ST8SIA4: variants seen among roughly 807,000 people sequenced by gnomAD.
The protein encoded by ST8SIA4 is ST8 alpha-N-acetyl-neuraminide alpha-2,8-sialyltransferase 4.
In ST8SIA4, 15 loss-of-function variants were observed where a neutral mutation model predicts 33.9. The observed-to-expected ratio is 0.44, with a 90% confidence interval of 0.30 to 0.68. ST8SIA4 has a LOEUF of 0.68. ST8SIA4 is among the 30% of genes least tolerant of loss of function. The pLI, the probability that ST8SIA4 is intolerant of heterozygous loss-of-function variation, is 0.10. For synonymous variants in ST8SIA4, 171 were observed against 151.2 expected (o/e 1.13, Z -0.96); for missense variants, 321 against 428.0 (o/e 0.75, Z 2.21).
Position 100,808,373 on chromosome 5 carries a change from T to C in ST8SIA4, c.*3474A>G, listed in dbSNP as rs1341197485. 6.5e-6 allele frequency: 1 copy of C among 152,674 alleles called. No homozygotes were observed. Among genetic ancestry groups the C allele is most frequent in the African/African-American group, 2.4e-5 (1 of 41,472 alleles). 9.5% of individuals were successfully genotyped at this position (152,674 alleles called of 1,614,324 possible). ...AGATAGAAAAACTTCCGCAGTAGTTTCAACAGTCCTGTGGGCTGAATCATT... is the reference window on the plus strand; with the variant it reads ...AGATAGAAAAACTTCCGCAGTAGTTCCAACAGTCCTGTGGGCTGAATCATT... On this transcript the variant is annotated 3_prime_UTR_variant, in exon 5 of 5. Coordinates refer to ENST00000231461, the MANE Select transcript of ST8SIA4 (RefSeq NM_005668.6).
Position 100,810,226 on chromosome 5 carries a change from C to A in ST8SIA4, c.*1621G>T, listed in dbSNP as rs1207416024. 6.6e-6 allele frequency: 1 copy of A among 152,142 alleles called. No homozygotes were observed. Among genetic ancestry groups the A allele is most frequent in the African/African-American group, 2.4e-5 (1 of 41,438 alleles). 9.4% of individuals were successfully genotyped at this position (152,142 alleles called of 1,614,324 possible). On this transcript the variant is annotated 3_prime_UTR_variant, in exon 5 of 5. Transcript: ENST00000231461. ...TTTTTAATTACTTTATTAATAATTT[C>A]ATGTGTTTCTTGAAGAACATATGTG...
intron 4 of ST8SIA4, among the ~76,000 whole-genome samples, chr5:100,844,260 T>C (rs1267114176): frequency 6.6e-6 from 1 of 151,974 alleles, no homozygotes; most frequent in East Asian, 1.9e-4. Flanking sequence ...ATTTGATTGA[T>C]CTCAAAAGAA....
intron 3 of ST8SIA4, among the ~76,000 whole-genome samples, chr5:100,863,109 G>T (rs1751983075): frequency 6.6e-6 from 1 of 152,172 alleles, no homozygotes; most frequent in South Asian, 2.1e-4. Context: ...CTCCCCAAAG[G>T]TAGGGTCTTG....
chr5:100,850,588 C>T (rs1751670407), intron 4 of ST8SIA4, among the ~76,000 whole-genome samples: 1 of 151,700 alleles, frequency 6.6e-6, no homozygotes, highest in Admixed American at 6.6e-5. Flanking sequence ...AACATTTTTT[C>T]CCAGACTCAA....
intron 3 of ST8SIA4, among the ~76,000 whole-genome samples, chr5:100,881,463 A>AT (rs937583938): frequency 3.3e-5 from 5 of 152,244 alleles, no homozygotes; most frequent in South Asian, 2.1e-4. Context: ...TTTTAAAAGT[A>AT]TTTTTTTCAC....
At position 100,809,691 on chromosome 5, in the gene ST8SIA4, C is replaced by T. The variant is rs1263487455; in HGVS notation, c.*2156G>A. ...AATCACTTTCAATTTATTAAGTAAA[C>T]CAGACTTTTCAACTTTACATTCAAA... On this transcript the variant is annotated 3_prime_UTR_variant, in exon 5 of 5. Transcript: ENST00000231461. 1 of 152,054 alleles carries T rather than the reference C, an allele frequency of 6.6e-6. No individual in the cohort carries two copies. The highest frequency in any genetic ancestry group is 1.5e-5 in the Non-Finnish European group (1 of 68,000). The allele number at this position is 152,054 out of a possible 1,614,324, so 9.4% of individuals were successfully genotyped here.
rs779826577 is a variant in ST8SIA4, at chr5:100,812,145, AC to A, written c.798-17del. 1.3e-6 allele frequency: 2 copies of A among 1,599,340 alleles called. No homozygotes were observed. The highest frequency in any genetic ancestry group is 8.5e-7 in the Non-Finnish European group (1 of 1,174,884). On this transcript the variant is annotated splice_polypyrimidine_tract_variant and intron_variant, in intron 4 of 4. Transcript: ENST00000231461. ...CAGCCAGTAACTGGAAAAACAAAAA[AC>A]AAAATCAAGAAGAGAAGAATTTAGA...
chr5:100,820,183 A>G lies in ST8SIA4; in HGVS notation c.798-8054T>C, dbSNP rs573749488. Among the ~76,000 whole-genome samples, 19 of 152,310 alleles carry G rather than the reference A, an allele frequency of 1.2e-4. No homozygotes were observed. In the South Asian group the frequency reaches 3.1e-3, roughly 25 times the overall value. On this transcript the variant is annotated intron_variant, in intron 4 of 4. Transcript: ENST00000231461. ...CACTATGTCTAAAACATTCACTTCT[A>G]TATGGTCAAAAGCAGTATGAATTCA... is the stretch of plus-strand genomic sequence containing the variant.
intron 4 of ST8SIA4, among the ~76,000 whole-genome samples, chr5:100,835,620 G>A (rs1751349775): frequency 6.6e-6 from 1 of 152,106 alleles, no homozygotes; most frequent in South Asian, 2.1e-4. Flanking sequence ...AGCTTAAGAT[G>A]AAGTTTAAAA....
At chr5:100,859,299 G>A (rs1751882419) in intron 3 of ST8SIA4, among the ~76,000 whole-genome samples, 1 of 151,996 alleles carries the variant, frequency 6.6e-6, no homozygotes, top group Non-Finnish European at 1.5e-5. Context: ...AAGCATTTAT[G>A]AGTAATACAT....
chr5:100,861,403 CAA>C lies in ST8SIA4; in HGVS notation c.504-5009_504-5008del, dbSNP rs1751938049. On this transcript the variant is annotated intron_variant, in intron 3 of 4. Coordinates refer to ENST00000231461, the MANE Select transcript of ST8SIA4 (RefSeq NM_005668.6). ...GAAATTCACAGAATGAAAATATAAT[CAA>C]ACTCCTTCTAGCAAACAAAGATCTG... 2.0e-5 allele frequency among the ~76,000 whole-genome samples: 3 copies of C among 152,076 alleles called. No homozygotes were observed. In the South Asian group the frequency reaches 6.2e-4, roughly 32 times the overall value.
In ST8SIA4 at chr5:100,903,062, A is replaced by T; in HGVS notation, c.-107T>A. On this transcript the variant is annotated 5_prime_UTR_variant, in exon 1 of 5. Transcript: ENST00000231461. ...GCGGGGGTGAAATCTGTAAAATGCGAGGAGAGCTTGGAGCCGGGATCCCGG... is the reference window on the plus strand; with the variant it reads ...GCGGGGGTGAAATCTGTAAAATGCGTGGAGAGCTTGGAGCCGGGATCCCGG... The T allele has an allele frequency of 1.3e-6, 1 of 782,972 alleles. No homozygotes were observed. Among genetic ancestry groups the T allele is most frequent in the Non-Finnish European group, 2.1e-6 (1 of 467,864 alleles). 48.5% of individuals were successfully genotyped at this position (782,972 alleles called of 1,614,324 possible). A position where few individuals can be genotyped will look rare whatever the true frequency, so the allele number is the denominator to read the frequency against.
intron 3 of ST8SIA4, among the ~76,000 whole-genome samples, chr5:100,861,592 A>T (rs1209095600): frequency 6.6e-6 from 1 of 152,176 alleles, no homozygotes; most frequent in Non-Finnish European, 1.5e-5. Context: ...ATATTGTTTA[A>T]TTTAAATAAA....
intron 2 of ST8SIA4, among the ~76,000 whole-genome samples, chr5:100,889,635 G>T (rs1561407702): frequency 1.3e-5 from 2 of 151,976 alleles, no homozygotes; most frequent in East Asian, 3.9e-4. Context: ...TGTCTTTTAA[G>T]TTCCTGATTA....
At chr5:100,839,036 A>C (rs1289663717) in intron 4 of ST8SIA4, among the ~76,000 whole-genome samples, 1 of 151,758 alleles carries the variant, frequency 6.6e-6, no homozygotes, top group Admixed American at 6.6e-5. Flanking sequence ...CTATGTTGAA[A>C]AGCCTGATTT....
chr5:100,887,561 G>T (rs1245994876), intron 2 of ST8SIA4, among the ~76,000 whole-genome samples: 1 of 151,824 alleles, frequency 6.6e-6, no homozygotes, highest in Non-Finnish European at 1.5e-5. Context: ...AGATTGAGAG[G>T]CTACATGAAC....
At chr5:100,882,011 C>T (rs1012588735) in intron 3 of ST8SIA4, among the ~76,000 whole-genome samples, 2 of 152,070 alleles carry the variant, frequency 1.3e-5, no homozygotes, top group African/African-American at 4.8e-5. Context: ...AATTAGTACC[C>T]GTAGAGTGGG....
intron 1 of ST8SIA4, chr5:100,900,504 AG>A (rs1157345424): frequency 2.2e-6 from 1 of 456,226 alleles, no homozygotes; most frequent in African/African-American, 2.0e-5. Context: ...TCGGGTCACA[AG>A]CTTTTCCACG....
At chr5:100,865,029 T>TA (rs1321748694) in intron 3 of ST8SIA4, among the ~76,000 whole-genome samples, 3 of 152,140 alleles carry the variant, frequency 2.0e-5, no homozygotes, top group Non-Finnish European at 4.4e-5. Flanking sequence ...CAGAAATCAC[T>TA]AAAAAAATCA....
Sources: allele counts gnomAD v4.1 joint callset (sites outside exome capture counted in the v4.1 genomes callset), GRCh38; gene constraint gnomAD v4.1.1; transcripts MANE v1.5; gene names NCBI Gene and HGNC (gene_info 2026-07-23, HGNC 2026-07-21).